The following SHMT1 variants were observed in gnomAD, a reference collection of about 807,000 sequenced individuals.
The protein encoded by SHMT1 is serine hydroxymethyltransferase, cytosolic.
In SHMT1, 45 loss-of-function variants were observed where a neutral mutation model predicts 49.0. The ratio of observed to expected loss-of-function variants is 0.92; its 90% CI spans 0.72 to 1.18. SHMT1 has a LOEUF of 1.18. SHMT1 is among the 50% of genes most tolerant of loss of function. SHMT1 has a pLI of 0.00. For missense variants in SHMT1, 541 were observed against 612.4 expected, an observed-to-expected ratio of 0.88 and a Z score of 1.23; for synonymous variants, 232 against 246.6, an observed-to-expected ratio of 0.94 and a Z score of 0.55.
intron 11 of SHMT1, 105 bp from the exon 12 acceptor site, chr17:18,329,024 G>C: frequency 2.1e-6 from 3 of 1,416,438 alleles, no homozygotes; most frequent in Non-Finnish European, 2.0e-6. Flanking sequence ...GCTGGGGAGT[G>C]TGGCAGGGCA....
intron 1 of SHMT1, among the ~76,000 whole-genome samples, chr17:18,356,872 C>A (rs1986287617): frequency 6.6e-6 from 1 of 152,134 alleles, no homozygotes; most frequent in Non-Finnish European, 1.5e-5. Flanking sequence ...CTCCTCTCAG[C>A]CAAACTTCTC....
Position 18,340,157 on chromosome 17 carries a change from C to T in SHMT1, c.700G>A (p.Gly234Arg), listed in dbSNP as rs889211254. Residue 234 changes from glycine (G) to arginine (R), a missense_variant, in exon 7 of 12, where the codon GGG (glycine) becomes AGG (arginine). Coordinates refer to ENST00000316694, the MANE Select transcript of SHMT1 (RefSeq NM_004169.5). This position sits in a 1 kb window ranked among gnomAD's most constrained non-coding sequence, Gnocchi z 4.5. ...GGCACCACGCCAGCCGCCACCAGCC[C>T]GCTGATGTGAGCCATGTCCGCCATG... ...YLMADMAHIS[G>R]LVAAGVVPSP... 1.6e-5 allele frequency: 26 copies of T among 1,614,102 alleles called. No individual in the cohort carries two copies. Among genetic ancestry groups the T allele is most frequent in the Admixed American group, 3.3e-5 (2 of 60,004 alleles).
intron 1 of SHMT1, among the ~76,000 whole-genome samples, chr17:18,356,878 T>G (rs1299864480): frequency 1.3e-5 from 2 of 152,112 alleles, no homozygotes; most frequent in Non-Finnish European, 2.9e-5. Context: ...TCAGCCAAAC[T>G]TCTCATGGAT....
intron 1 of SHMT1, among the ~76,000 whole-genome samples, chr17:18,361,795 A>AG (rs1301155901): frequency 6.6e-6 from 1 of 152,128 alleles, no homozygotes; most frequent in East Asian, 1.9e-4. Context: ...CAAAAAAAAA[A>AG]AAAAAGAAAA....
chr17:18,362,317 T>C (rs1986848945), intron 1 of SHMT1, among the ~76,000 whole-genome samples: 1 of 152,062 alleles, frequency 6.6e-6, no homozygotes, highest in South Asian at 2.1e-4. Flanking sequence ...TTTTCTTTTC[T>C]TTCTCTCTCT....
At chr17:18,350,711 AT>A (rs1985593582) in intron 3 of SHMT1, among the ~76,000 whole-genome samples, 1 of 151,324 alleles carries the variant, frequency 6.6e-6, no homozygotes, top group Non-Finnish European at 1.5e-5. Flanking sequence ...AAGCAAAGTC[AT>A]TAACGTTAGG....
chr17:18,348,552 A>G, intron 3 of SHMT1, 112 bp from the exon 4 acceptor site: 1 of 797,114 alleles, frequency 1.3e-6, no homozygotes, highest in South Asian at 1.3e-5. Flanking sequence ...GAGAGAAGTA[A>G]TGAGAAGAGC....
At chr17:18,355,174 C>A (rs1183598195) in intron 2 of SHMT1, among the ~76,000 whole-genome samples, 3 of 147,950 alleles carry the variant, frequency 2.0e-5, no homozygotes, top group Non-Finnish European at 4.4e-5. Context: ...TCGAGACCAT[C>A]CTGGCTAACA....
At chr17:18,333,465 A>T (rs920898313) in intron 8 of SHMT1, 177 bp from the exon 9 acceptor site, 37 of 286,460 alleles carry the variant, frequency 1.3e-4, no homozygotes, top group South Asian at 4.7e-4. Context: ...TTTATTATTT[A>T]TTATTTTTAT....
intron 7 of SHMT1, among the ~76,000 whole-genome samples, chr17:18,339,016 C>T (rs1200571571): frequency 6.9e-6 from 1 of 144,062 alleles, no homozygotes; most frequent in South Asian, 2.2e-4. Flanking sequence ...AATCCCCCTC[C>T]ACGAGAAACA....
intron 3 of SHMT1, among the ~76,000 whole-genome samples, chr17:18,351,736 T>A (rs965452309): frequency 1.3e-5 from 2 of 151,216 alleles, no homozygotes; most frequent in African/African-American, 4.9e-5. Flanking sequence ...ATTGTGCCAC[T>A]GCACTCCAGC....
chr17:18,345,825 T>C (rs1043973987), intron 5 of SHMT1, among the ~76,000 whole-genome samples: 2 of 150,924 alleles, frequency 1.3e-5, no homozygotes, highest in Non-Finnish European at 2.9e-5. Context: ...GAACTACGGG[T>C]GTGCACCACC....
chr17:18,332,500 C>T (rs1983321682), intron 9 of SHMT1: 1 of 171,790 alleles, frequency 5.8e-6, no homozygotes, highest in East Asian at 1.5e-4. Flanking sequence ...ACTGCTAGCA[C>T]AATCGGCAGT....
chr17:18,360,486 G>C (rs573395647), intron 1 of SHMT1: 1 of 151,636 alleles, frequency 6.6e-6, no homozygotes, highest in African/African-American at 2.4e-5. Flanking sequence ...CTTGAGTCCC[G>C]GAGGTTGAGG....
At chr17:18,339,356 A>G (rs1368923876) in intron 7 of SHMT1, among the ~76,000 whole-genome samples, 1 of 152,166 alleles carries the variant, frequency 6.6e-6, no homozygotes, top group African/African-American at 2.4e-5. Context: ...TCACCAGAAT[A>G]ATGCAGCCTT....
intron 7 of SHMT1, among the ~76,000 whole-genome samples, chr17:18,336,674 A>G (rs1474038446): frequency 6.6e-6 from 1 of 151,258 alleles, no homozygotes; most frequent in African/African-American, 2.4e-5. Flanking sequence ...CTCCGGGGAA[A>G]AAAAAAGTCC....
intron 3 of SHMT1, among the ~76,000 whole-genome samples, chr17:18,350,496 G>C (rs1198863392): frequency 6.6e-6 from 1 of 151,916 alleles, no homozygotes; most frequent in South Asian, 2.1e-4. Context: ...AAATTAGCCT[G>C]GTGTGGTGGC....
Position 18,333,190 on chromosome 17 carries a change from C to G in SHMT1, c.1030G>C (p.Glu344Gln), listed in dbSNP as rs751081738. The G allele has an allele frequency of 3.3e-5, 54 of 1,613,986 alleles. No homozygotes were observed. Among genetic ancestry groups the G allele is most frequent in the Middle Eastern group, 3.3e-4 (2 of 6,084 alleles). Residue 344 changes from glutamate to glutamine, a missense_variant, in exon 9 of 12, where the codon GAG becomes CAG. Transcript: ENST00000316694. The part of the protein sequence containing the change: ...NCRALSEALT[E>Q]LGYKIVTGGS... ...CCTGTGACTATTTTGTAGCCCAGCT[C>G]CGTCAGGGCCTCAGACAGAGCCCTG...
intron 3 of SHMT1, among the ~76,000 whole-genome samples, chr17:18,351,201 C>A (rs1212406229): frequency 6.7e-6 from 1 of 149,426 alleles, no homozygotes; most frequent in Non-Finnish European, 1.5e-5. Context: ...AGTGCAGTGG[C>A]GCGATCTCGG....
Sources: allele counts gnomAD v4.1 joint callset (sites outside exome capture counted in the v4.1 genomes callset), GRCh38; gene constraint gnomAD v4.1.1; non-coding constraint Gnocchi (gnomAD v3.1); transcripts MANE v1.5; gene names NCBI Gene and HGNC (gene_info 2026-07-23, HGNC 2026-07-21).